The following TTLL5 variants were observed in gnomAD, a reference collection of about 807,000 sequenced individuals.
The protein encoded by TTLL5 is tubulin polyglutamylase TTLL5.
Under a neutral mutation model 168.4 loss-of-function variants are expected in TTLL5, and 132 were observed. The ratio of observed to expected loss-of-function variants is 0.78; its 90% confidence interval spans 0.68 to 0.91. TTLL5 has a LOEUF of 0.91. Ranked by LOEUF, TTLL5 falls within the 40% of genes least tolerant of loss-of-function variation. The pLI, the probability that TTLL5 is intolerant of heterozygous loss-of-function variation, is 0.00. For missense variants in TTLL5, 1,545 were observed against 1,581.5 expected, an observed-to-expected ratio of 0.98 and a Z score of 0.39; for synonymous variants, 546 against 558.6, an observed-to-expected ratio of 0.98 and a Z score of 0.32.
chr14:75,775,493 G>A lies in TTLL5; in HGVS notation c.2146G>A (p.Val716Ile), dbSNP rs762017662. ...AKEDEQMELV[V>I]RFLKRASNNL... ...ACTCTTTAATTTATAGGAGCTGGTTGTTCGTTTCCTCAAGCGAGCATCAAA... is the reference window on the plus strand; with the variant it reads ...ACTCTTTAATTTATAGGAGCTGGTTATTCGTTTCCTCAAGCGAGCATCAAA... The change falls in exon 22 of 32, where the codon GTT (valine) becomes ATT (isoleucine). Residue 716 changes from valine to isoleucine, a missense_variant. Physicochemically the swap from Val to Ile is conservative, Grantham distance 29. Coordinates refer to ENST00000298832, the MANE Select transcript of TTLL5 (RefSeq NM_015072.5). The A allele has an allele frequency of 6.2e-6, 10 of 1,612,740 alleles. No individual in the cohort carries two copies. The highest frequency in any genetic ancestry group is 8.5e-6 in the Non-Finnish European group (10 of 1,179,306).
At chr14:75,748,809 A>C (rs1310394476) in intron 17 of TTLL5, among the ~76,000 whole-genome samples, 1 of 152,144 alleles carries the variant, frequency 6.6e-6, no homozygotes, top group Non-Finnish European at 1.5e-5. Context: ...AATGGGAGTA[A>C]AATATCTTAT....
At chr14:75,669,343 C>T (rs1466056318) in intron 2 of TTLL5, 73 bp from the exon 3 acceptor site, 11 of 1,381,568 alleles carry the variant, frequency 8.0e-6, no homozygotes, top group Non-Finnish European at 1.1e-5. Flanking sequence ...AAGCAACAAA[C>T]CATAGTAATC....
chr14:75,936,054 C>A (rs1023862906), intron 31 of TTLL5, among the ~76,000 whole-genome samples: 3 of 152,048 alleles, frequency 2.0e-5, no homozygotes, highest in African/African-American at 7.2e-5. Flanking sequence ...GTTCTCTCTC[C>A]TTTTTGTCAT....
At chr14:75,818,278 A>G (rs1318612706) in intron 27 of TTLL5, among the ~76,000 whole-genome samples, 1 of 152,190 alleles carries the variant, frequency 6.6e-6, no homozygotes, top group Non-Finnish European at 1.5e-5. Flanking sequence ...TAGATAAGGA[A>G]GAAAATAAGT....
At chr14:75,724,069 GAAGATTTTGGCTCA>G (rs1888024667) in intron 12 of TTLL5, among the ~76,000 whole-genome samples, 1 of 151,290 alleles carries the variant, frequency 6.6e-6, no homozygotes, top group African/African-American at 2.4e-5. Context: ...AAGCTTCCCA[GAAGATTTTGGCTCA>G]AACAGAGCAT....
chr14:75,712,502 A>G (rs1281928629), intron 9 of TTLL5: 3 of 61,490 alleles, frequency 4.9e-5, no homozygotes, highest in Admixed American at 4.8e-4. Flanking sequence ...ACAGCAGGAC[A>G]AAAAAAAAAA....
chr14:75,739,832 G>A (rs368674436), intron 15 of TTLL5, among the ~76,000 whole-genome samples: 3 of 152,150 alleles, frequency 2.0e-5, no homozygotes, highest in African/African-American at 7.2e-5. Context: ...TTTACACTAA[G>A]AAGATTTACT....
At chr14:75,734,618 A>C (rs1888770128) in intron 14 of TTLL5, among the ~76,000 whole-genome samples, 1 of 152,212 alleles carries the variant, frequency 6.6e-6, no homozygotes, top group African/African-American at 2.4e-5. Context: ...GAATGCTATA[A>C]AACTTAGCTA....
intron 18 of TTLL5, among the ~76,000 whole-genome samples, chr14:75,758,648 T>G (rs1305851982): frequency 6.6e-6 from 1 of 152,160 alleles, no homozygotes. Context: ...ATAGACCATA[T>G]GCTGGAGCAT....
In TTLL5 at chr14:75,776,820, A is replaced by T. The variant is rs372279209; in HGVS notation, c.2357A>T (p.Glu786Val). The T allele has an allele frequency of 5.6e-5, 91 of 1,613,830 alleles. No homozygotes were observed. Among genetic ancestry groups the T allele is most frequent in the Admixed American group, 1.5e-4 (9 of 59,982 alleles). ...EEEEEDGVNM[E>V]NFQEFIRQAS... Reference sequence around the variant, plus strand: ...GAAGAGGAAGATGGGGTGAATATGGAAAACTTTCAGGAGTTCATCAGACAA... The same window carrying T: ...GAAGAGGAAGATGGGGTGAATATGGTAAACTTTCAGGAGTTCATCAGACAA... Residue 786 changes from glutamate to valine, a missense_variant, in exon 23 of 32, where the codon GAA (glutamate) becomes GTA (valine). By Grantham distance (121) the Glu-to-Val change is moderately radical (BLOSUM62 -2). Transcript: ENST00000298832.
intron 27 of TTLL5, among the ~76,000 whole-genome samples, chr14:75,813,595 G>C (rs1381957753): frequency 3.9e-5 from 6 of 152,040 alleles, no homozygotes; most frequent in Non-Finnish European, 8.8e-5. Flanking sequence ...GAGCCACCGT[G>C]CCTGGCCCAA....
intron 18 of TTLL5, 97 bp downstream of exon 18, chr14:75,753,052 T>A: frequency 8.3e-7 from 1 of 1,209,016 alleles, no homozygotes; most frequent in Non-Finnish European, 1.2e-6. Context: ...AGTCTTTATG[T>A]AAAATCTCTG....
rs550455702 is a variant in TTLL5, at chr14:75,931,340, A to G, written c.3824-23084A>G. On this transcript the variant is annotated intron_variant, in intron 31 of 31. Transcript: ENST00000298832. The stretch of plus-strand genomic sequence containing the variant: ...GGTCCCTCCTGTTCACCTTCATTAG[A>G]GGTAAAGCCAGAAACTGAGAGGCAT... Among the ~76,000 whole-genome samples, 8 of 152,274 alleles carry G rather than the reference A, an allele frequency of 5.3e-5. No individual in the cohort carries two copies. The South Asian group carries it at 1.7e-3, about 32-fold the overall frequency.
In TTLL5 at chr14:75,821,798, T is replaced by C. The variant is rs552072996; in HGVS notation, c.3326+1637T>C. 3.9e-5 allele frequency among the ~76,000 whole-genome samples: 6 copies of C among 152,244 alleles called. No individual in the cohort carries two copies. In the East Asian group the frequency reaches 1.2e-3, roughly 29 times the overall value. ...AGGCTGCGATAATGCTCATGGTGCA[T>C]TACACGATTTACTTCTGACCCATTC... is the stretch of plus-strand genomic sequence containing the variant. On this transcript the variant is annotated intron_variant, in intron 28 of 31. Transcript: ENST00000298832.
chr14:75,738,128 GA>G (rs369994146), intron 15 of TTLL5, among the ~76,000 whole-genome samples: 265 of 152,244 alleles, frequency 1.7e-3, no homozygotes, highest in African/African-American at 6.2e-3. Flanking sequence ...TGCTACCTTT[GA>G]AATACAAACA....
At chr14:75,757,918 T>C in intron 18 of TTLL5, 1 of 1,558,972 alleles carries the variant, frequency 6.4e-7, no homozygotes, top group African/African-American at 1.4e-5. Flanking sequence ...GCATAATGTG[T>C]GACCATGCAC....
At chr14:75,684,380 G>GA (rs1326373472) in intron 5 of TTLL5, 1 of 152,024 alleles carries the variant, frequency 6.6e-6, no homozygotes, top group Non-Finnish European at 1.5e-5. Flanking sequence ...AAGAAAGGTA[G>GA]AAAAAAATTA....
At chr14:75,912,601 TAGGC>T (rs750406562) in intron 31 of TTLL5, among the ~76,000 whole-genome samples, 3 of 152,286 alleles carry the variant, frequency 2.0e-5, no homozygotes, top group Non-Finnish European at 4.4e-5. Flanking sequence ...AGATTCCTAA[TAGGC>T]AGGGCAAACA....
intron 31 of TTLL5, among the ~76,000 whole-genome samples, chr14:75,910,566 A>G (rs1358729544): frequency 1.3e-5 from 2 of 152,226 alleles, no homozygotes; most frequent in Non-Finnish European, 2.9e-5. Flanking sequence ...TCATATCCTC[A>G]GGGCATAATT....
Sources: gnomAD v4.1 joint callset for allele counts (sites outside exome capture counted in the v4.1 genomes callset) on GRCh38, gnomAD v4.1.1 for gene constraint, MANE v1.5 for transcripts, NCBI Gene and HGNC (gene_info 2026-07-23, HGNC 2026-07-21) for gene names.